The following KLHDC1 variants were observed in gnomAD, a reference collection of about 807,000 sequenced individuals.
KLHDC1 encodes kelch domain-containing protein 1.
Under a neutral mutation model 68.3 loss-of-function variants are expected in KLHDC1, and 53 were observed. That is an observed-to-expected ratio of 0.78 (90% CI 0.62 to 0.98). KLHDC1 has a LOEUF of 0.98. Ranked by LOEUF, KLHDC1 falls within the 50% of genes least tolerant of loss-of-function variation. The probability of loss-of-function intolerance (pLI) is 0.00; values close to 1 mark genes in which losing one functional copy is unlikely to be tolerated. For synonymous variants in KLHDC1, 148 were observed against 159.0 expected, an observed-to-expected ratio of 0.93 and a Z score of 0.52; for missense variants, 470 against 492.3, an observed-to-expected ratio of 0.95 and a Z score of 0.43.
In KLHDC1 at chr14:49,710,252, A is replaced by T. The variant is rs1444649407; in HGVS notation, c.286-11A>T. 2 of 1,412,202 alleles carry T rather than the reference A, an allele frequency of 1.4e-6. No individual in the cohort carries two copies. The highest frequency in any genetic ancestry group is 3.4e-5 in the Admixed American group (2 of 59,616). 87.5% of individuals were successfully genotyped at this position (1,412,202 alleles called of 1,614,324 possible). ...TGCCCTGTCTGCTAATAGTGTTCTC[A>T]TCTTTTAAAGCTTTATTTTGTTAAT... is the stretch of plus-strand genomic sequence containing the variant. On this transcript the variant is annotated splice_polypyrimidine_tract_variant and intron_variant, in intron 3 of 12. Transcript: ENST00000359332.
chr14:49,733,430 C>CTTTTTTTTTTTT (rs763516095), intron 9 of KLHDC1, among the ~76,000 whole-genome samples: 1 of 138,708 alleles, frequency 7.2e-6, no homozygotes, highest in Non-Finnish European at 1.6e-5. Flanking sequence ...ATTTTCTTTT[C>CTTTTTTTTTTTT]TTTTTTTTTT....
In KLHDC1 at chr14:49,751,757, G is replaced by T. The variant is rs141628700; in HGVS notation, c.1206G>T (p.Trp402Cys). The change falls in exon 13 of 13, where the codon TGG becomes TGT. Residue 402 changes from tryptophan to cysteine, a missense_variant. Physicochemically the swap from Trp to Cys is radical, Grantham distance 215. Coordinates refer to ENST00000359332, the MANE Select transcript of KLHDC1 (RefSeq NM_172193.3). ...AAGAAACAGAAAATAAATATCAGTG[G>T]ATCAGTAGCAATTAAATTGTTATAT... ...QKEETENKYQ[W>C]ISSN The T allele has an allele frequency of 4.5e-6, 7 of 1,559,524 alleles. No individual in the cohort carries two copies. In the African/African-American group the frequency reaches 8.2e-5, roughly 18 times the overall value.
chr14:49,702,301 A>G (rs985734951), intron 1 of KLHDC1, among the ~76,000 whole-genome samples: 2 of 152,176 alleles, frequency 1.3e-5, no homozygotes, highest in African/African-American at 2.4e-5. Context: ...TTCTTCTCCA[A>G]TTTGCAAAGA....
rs36219162 is a variant in KLHDC1, at chr14:49,744,292, ATGTG to A, written c.1034+517_1034+520del. 3.4e-3 allele frequency among the ~76,000 whole-genome samples: 517 copies of A among 150,628 alleles called. 1 individual carries two copies. Among genetic ancestry groups the A allele is most frequent in the African/African-American group, 0.01 (430 of 40,996 alleles). ...GGAAATAGACTGAAAGCCTGTATAT[ATGTG>A]TGTGTGTGTGTGTGTGTGTGTGTGT... On this transcript the variant is annotated intron_variant, in intron 12 of 12. Transcript: ENST00000359332.
Position 49,693,145 on chromosome 14 carries a change from G to C in KLHDC1, c.-50G>C, listed in dbSNP as rs766369613. The stretch of plus-strand genomic sequence containing the variant: ...AGTCGGGGCTGGAGGCGAGGCCGCC[G>C]GGCGGGCAGGGGTTGTGGCGCGGCA... On this transcript the variant is annotated 5_prime_UTR_variant, in exon 1 of 13. Transcript: ENST00000359332. 2 of 1,506,928 alleles carry C rather than the reference G, an allele frequency of 1.3e-6. No individual in the cohort carries two copies. Among genetic ancestry groups the C allele is most frequent in the African/African-American group, 2.9e-5 (2 of 69,262 alleles). 93.3% of individuals were successfully genotyped at this position (1,506,928 alleles called of 1,614,324 possible).
At chr14:49,700,928 A>G (rs988787278) in intron 1 of KLHDC1, among the ~76,000 whole-genome samples, 3 of 152,268 alleles carry the variant, frequency 2.0e-5, no homozygotes, top group African/African-American at 4.8e-5. Context: ...TGAAAATACA[A>G]AAACATTAGC....
At chr14:49,719,565 A>T (rs1888473569) in intron 4 of KLHDC1, among the ~76,000 whole-genome samples, 1 of 151,720 alleles carries the variant, frequency 6.6e-6, no homozygotes, top group South Asian at 2.1e-4. Context: ...AGTAGCTGGG[A>T]CTACAGACAT....
chr14:49,700,089 C>T (rs1461801787), intron 1 of KLHDC1: 8 of 303,998 alleles, frequency 2.6e-5, no homozygotes, highest in Admixed American at 5.0e-5. Context: ...TGCAGTGGCG[C>T]GATCTCGGCT....
rs575397969 is a variant in KLHDC1, at chr14:49,711,036, A to G, written c.404+655A>G. Among the ~76,000 whole-genome samples, 6 of 150,760 alleles carry G rather than the reference A, an allele frequency of 4.0e-5. No homozygotes were observed. The South Asian group carries it at 8.3e-4, about 21-fold the overall frequency. The stretch of plus-strand genomic sequence containing the variant: ...TGGAAATGGAGTCTCACTGTTGCTC[A>G]GGCTGGAGTGCAATGGCACGATCTC... On this transcript the variant is annotated intron_variant, in intron 4 of 12. Transcript: ENST00000359332.
At chr14:49,740,233 C>T (rs575579396) in intron 11 of KLHDC1, 51 bp downstream of exon 11, 154 of 1,010,184 alleles carry the variant, frequency 1.5e-4, no homozygotes, top group Non-Finnish European at 2.0e-4. Context: ...GTGTTATTCA[C>T]ACTAAATGGC....
At chr14:49,726,333 A>G (rs983450855) in intron 6 of KLHDC1, among the ~76,000 whole-genome samples, 5 of 152,174 alleles carry the variant, frequency 3.3e-5, no homozygotes, top group South Asian at 4.1e-4. Context: ...GTGTGCTACA[A>G]TCACATCTGT....
Position 49,732,747 on chromosome 14 carries a change from A to T in KLHDC1, c.754A>T (p.Thr252Ser). Residue 252 changes from threonine to serine, a missense_variant, in exon 9 of 13, where the codon ACT becomes TCT. Transcript: ENST00000359332. ...GESPKHRSWH[T>S]LTPIADDKLF... ...AAGCCCAAAACATCGGTCATGGCAT[A>T]CTTTAACACCTATAGCTGATGATAA... 5.6e-6 allele frequency: 9 copies of T among 1,610,432 alleles called. No individual in the cohort carries two copies. The highest frequency in any genetic ancestry group is 7.6e-6 in the Non-Finnish European group (9 of 1,176,908).
chr14:49,727,026 C>G (rs1231356879), intron 6 of KLHDC1, among the ~76,000 whole-genome samples: 1 of 152,012 alleles, frequency 6.6e-6, no homozygotes, highest in Admixed American at 6.5e-5. Flanking sequence ...AGGCAGATTG[C>G]CTGAGCTCAG....
At chr14:49,727,373 C>T (rs1888697928) in intron 6 of KLHDC1, among the ~76,000 whole-genome samples, 1 of 152,046 alleles carries the variant, frequency 6.6e-6, no homozygotes, top group Non-Finnish European at 1.5e-5. Context: ...ATGTTCATTG[C>T]TAGGAACAGG....
At chr14:49,744,307 TG>T (rs1889140535) in intron 12 of KLHDC1, among the ~76,000 whole-genome samples, 1 of 150,566 alleles carries the variant, frequency 6.6e-6, no homozygotes, top group Non-Finnish European at 1.5e-5. Flanking sequence ...TGTGTGTGTG[TG>T]TGTGTGTGTG....
At chr14:49,744,049 C>T (rs1173801377) in intron 12 of KLHDC1, among the ~76,000 whole-genome samples, 2 of 151,198 alleles carry the variant, frequency 1.3e-5, no homozygotes, top group Non-Finnish European at 2.9e-5. Context: ...TCTGAGAGGA[C>T]AAAGCAGGAG....
chr14:49,725,467 A>C (rs1446942780), intron 5 of KLHDC1: 2 of 397,960 alleles, frequency 5.0e-6, no homozygotes, highest in African/African-American at 4.2e-5. Context: ...TTCACTGCAA[A>C]CAATACTATG....
intron 1 of KLHDC1, among the ~76,000 whole-genome samples, chr14:49,703,473 G>C (rs1264155876): frequency 6.6e-6 from 1 of 151,946 alleles, no homozygotes; most frequent in African/African-American, 2.4e-5. Context: ...CTCCCAAGTA[G>C]CTGGGATTAC....
intron 4 of KLHDC1, 23 bp from the exon 5 acceptor site, chr14:49,723,851 G>T (rs1282132518): frequency 3.6e-6 from 5 of 1,399,734 alleles, no homozygotes; most frequent in African/African-American, 1.4e-5. Flanking sequence ...CCTAAAGTGT[G>T]TCATTTCGTA....
Sources: allele counts gnomAD v4.1 joint callset (sites outside exome capture counted in the v4.1 genomes callset), GRCh38; gene constraint gnomAD v4.1.1; transcripts MANE v1.5; gene names NCBI Gene and HGNC (gene_info 2026-07-23, HGNC 2026-07-21).